FTO: variants seen among roughly 807,000 people sequenced by gnomAD.
FTO encodes FTO alpha-ketoglutarate dependent dioxygenase, also known as alpha-ketoglutarate-dependent dioxygenase FTO.
A neutral mutation model predicts 63.9 loss-of-function variants in FTO; 47 were observed. The ratio of observed to expected loss-of-function variants is 0.74; its 90% CI spans 0.58 to 0.94. The LOEUF (loss-of-function observed/expected upper bound fraction) is 0.94. FTO is among the 40% of genes least tolerant of loss of function. The pLI is 0.00. For missense variants in FTO, 562 were observed against 618.1 expected (o/e 0.91, Z 0.96); for synonymous variants, 207 against 224.4 (o/e 0.92, Z 0.69).
At chr16:54,081,628 C>T (rs779666386) in intron 8 of FTO, among the ~76,000 whole-genome samples, 14 of 152,096 alleles carry the variant, frequency 9.2e-5, no homozygotes, top group South Asian at 4.1e-4. Context: ...AATTACTAAA[C>T]GCCCCCAAAC....
At chr16:53,724,716 A>G (rs899171150) in intron 1 of FTO, among the ~76,000 whole-genome samples, 3 of 152,096 alleles carry the variant, frequency 2.0e-5, no homozygotes, top group African/African-American at 7.2e-5. Flanking sequence ...GGATTTTATG[A>G]CCATTTCATG....
chr16:53,794,242 C>T (rs911318708), intron 1 of FTO, among the ~76,000 whole-genome samples: 2 of 152,170 alleles, frequency 1.3e-5, no homozygotes, highest in African/African-American at 4.8e-5. Flanking sequence ...GTCATCTGTG[C>T]CTTCTTGTCA....
At chr16:53,867,232 T>C (rs2080344247) in intron 4 of FTO, among the ~76,000 whole-genome samples, 1 of 152,066 alleles carries the variant, frequency 6.6e-6, no homozygotes, top group East Asian at 1.9e-4. Flanking sequence ...TGGACTGAGG[T>C]CAAATATTTT....
intron 8 of FTO, among the ~76,000 whole-genome samples, chr16:54,041,607 A>G (rs1361083926): frequency 2.0e-5 from 3 of 152,172 alleles, no homozygotes; most frequent in Non-Finnish European, 4.4e-5. Flanking sequence ...CCCTGAGGAC[A>G]GTATCCTTTC....
intron 4 of FTO, among the ~76,000 whole-genome samples, chr16:53,873,073 G>A (rs1487609256): frequency 6.6e-6 from 1 of 152,162 alleles, no homozygotes; most frequent in African/African-American, 2.4e-5. Context: ...AGCCAAACAT[G>A]CAACATGCTG....
At chr16:53,860,110 CCCACACATAT>C (rs1292880135) in intron 4 of FTO, among the ~76,000 whole-genome samples, 22 of 152,000 alleles carry the variant, frequency 1.4e-4, no homozygotes, top group African/African-American at 5.3e-4. Flanking sequence ...CACACACATA[CCCACACATAT>C]CCACACATAA....
chr16:53,873,945 TG>T (rs761028831), intron 5 of FTO, 80 bp downstream of exon 5: 2 of 1,064,290 alleles, frequency 1.9e-6, no homozygotes, highest in Non-Finnish European at 2.9e-6. Context: ...TATAGAGCTT[TG>T]GAAGAGTATT....
chr16:53,851,024 C>G (rs1357038455), intron 4 of FTO, among the ~76,000 whole-genome samples: 1 of 152,000 alleles, frequency 6.6e-6, no homozygotes, highest in Admixed American at 6.6e-5. Context: ...AGTATAATAT[C>G]TTGTTCAATA....
At chr16:54,001,345 G>C (rs1236692980) in intron 8 of FTO, among the ~76,000 whole-genome samples, 7 of 152,188 alleles carry the variant, frequency 4.6e-5, no homozygotes, top group Non-Finnish European at 1.0e-4. Flanking sequence ...GGAAGTCTGT[G>C]CATGCCTCTC....
intron 8 of FTO, among the ~76,000 whole-genome samples, chr16:54,009,121 G>C (rs1294268760): frequency 6.6e-6 from 1 of 152,138 alleles, no homozygotes; most frequent in Non-Finnish European, 1.5e-5. Context: ...CCTGAACTCG[G>C]CATAGCACCA....
At chr16:53,944,138 T>G (rs2082602277) in intron 8 of FTO, among the ~76,000 whole-genome samples, 2 of 152,200 alleles carry the variant, frequency 1.3e-5, no homozygotes, top group Admixed American at 1.3e-4. Context: ...CTGCAAATAT[T>G]TCTTAAGTGC....
chr16:54,038,264 C>CT (rs2084990420), intron 8 of FTO, among the ~76,000 whole-genome samples: 2 of 152,212 alleles, frequency 1.3e-5, no homozygotes, highest in South Asian at 4.1e-4. Context: ...ACCTTACCTC[C>CT]TGTAACCTGA....
chr16:54,111,116 T>C (rs1224886435), intron 8 of FTO, among the ~76,000 whole-genome samples: 3 of 152,236 alleles, frequency 2.0e-5, no homozygotes, highest in Non-Finnish European at 2.9e-5. Context: ...GTGTTTTCCT[T>C]AGGGACTAAC....
intron 8 of FTO, among the ~76,000 whole-genome samples, chr16:54,110,252 T>C (rs917344334): frequency 4.6e-5 from 7 of 152,212 alleles, no homozygotes; most frequent in Non-Finnish European, 1.0e-4. Context: ...TTAATATTTA[T>C]GCTAAGAGGA....
chr16:53,755,288 G>A (rs2076895669), intron 1 of FTO, among the ~76,000 whole-genome samples: 1 of 152,128 alleles, frequency 6.6e-6, no homozygotes, highest in Admixed American at 6.5e-5. Context: ...GAGGCGATTG[G>A]GCTGCAGGGC....
At chr16:53,733,952 A>G (rs1229749243) in intron 1 of FTO, among the ~76,000 whole-genome samples, 5 of 152,254 alleles carry the variant, frequency 3.3e-5, no homozygotes, top group Non-Finnish European at 5.9e-5. Context: ...ACTAAAGTAC[A>G]CAATTCTACA....
chr16:53,826,775 C>A (rs1344112102), intron 3 of FTO, among the ~76,000 whole-genome samples: 15 of 152,160 alleles, frequency 9.9e-5, no homozygotes, highest in African/African-American at 3.6e-4. Context: ...CTCTCTTGTG[C>A]CCAGGAGAGC....
chr16:54,021,050 C>A (rs1421864997), intron 8 of FTO, among the ~76,000 whole-genome samples: 1 of 152,110 alleles, frequency 6.6e-6, no homozygotes, highest in Admixed American at 6.5e-5. Context: ...CATCTTTTTT[C>A]CCACATAACA....
intron 4 of FTO, among the ~76,000 whole-genome samples, chr16:53,870,247 T>A (rs2080456784): frequency 1.3e-5 from 2 of 152,144 alleles, no homozygotes; most frequent in Non-Finnish European, 2.9e-5. Context: ...AAAGTCGCTA[T>A]TTTTTCCCTT....
Sources: allele counts gnomAD v4.1 joint callset (sites outside exome capture counted in the v4.1 genomes callset), GRCh38; gene constraint gnomAD v4.1.1; transcripts MANE v1.5; gene names NCBI Gene and HGNC (gene_info 2026-07-23, HGNC 2026-07-21).